Variants in CACNA2D4 observed in about 807,000 individuals in gnomAD.
The protein encoded by CACNA2D4 is calcium voltage-gated channel auxiliary subunit alpha2delta 4, also known as voltage-dependent calcium channel subunit alpha-2/delta-4.
Under a neutral mutation model 163.8 loss-of-function variants are expected in CACNA2D4, and 157 were observed. The ratio of observed to expected loss-of-function variants is 0.96; its 90% CI spans 0.84 to 1.09. The LOEUF (loss-of-function observed/expected upper bound fraction) is 1.09, where lower values mean the gene tolerates loss of function less well. CACNA2D4 is among the 50% of genes least tolerant of loss of function. The pLI, the probability that CACNA2D4 is intolerant of heterozygous loss-of-function variation, is 0.00. For synonymous variants in CACNA2D4, 598 were observed against 586.9 expected (o/e 1.02, Z -0.27); for missense variants, 1,410 against 1,479.9 (o/e 0.95, Z 0.78).
At chr12:1,892,891 G>A (rs1399972618) in intron 6 of CACNA2D4, among the ~76,000 whole-genome samples, 1 of 152,146 alleles carries the variant, frequency 6.6e-6, no homozygotes, top group Non-Finnish European at 1.5e-5. Context: ...AGAAAAATGA[G>A]ATGAAGGAGG....
At chr12:1,859,176 C>T (rs116256926) in intron 19 of CACNA2D4, among the ~76,000 whole-genome samples, 4,849 of 152,118 alleles carry the variant, frequency 0.032, 246 homozygotes, top group African/African-American at 0.11. Context: ...CAGCGAGACC[C>T]CAGCTCTAAA....
chr12:1,886,159 T>G, intron 8 of CACNA2D4, 64 bp downstream of exon 8: 4 of 1,589,550 alleles, frequency 2.5e-6, no homozygotes, highest in Non-Finnish European at 3.5e-6. Context: ...GTGGGTCACC[T>G]TGGTACCTGT....
Position 1,878,261 on chromosome 12 carries a change from T to G in CACNA2D4, c.1719+54A>C. ...TGTTGTTTTAATCGTTTTTGTGAAT[T>G]ACCCCCAAATCCCATACAGTAAGGA... On this transcript the variant is annotated intron_variant, in intron 16 of 37. Coordinates refer to ENST00000382722, the MANE Select transcript of CACNA2D4 (RefSeq NM_172364.5). The surrounding 1 kb of genome is among the most constrained non-coding windows in gnomAD (Gnocchi z 4.6). 1 of 1,562,384 alleles carries G rather than the reference T, an allele frequency of 6.4e-7. No homozygotes were observed. The highest frequency in any genetic ancestry group is 8.7e-7 in the Non-Finnish European group (1 of 1,151,104).
Position 1,811,721 on chromosome 12 carries a change from C to G in CACNA2D4, c.2554G>C (p.Ala852Pro), listed in dbSNP as rs961730912. 1.3e-6 allele frequency: 2 copies of G among 1,558,538 alleles called. No individual in the cohort carries two copies. The highest frequency in any genetic ancestry group is 2.7e-5 in the African/African-American group (2 of 73,286). The change falls in exon 27 of 38, where the codon GCG becomes CCG. Residue 852 changes from alanine to proline, a missense_variant and splice_region_variant. Ala to Pro is a conservative substitution (Grantham distance 27). Coordinates refer to ENST00000382722, the MANE Select transcript of CACNA2D4 (RefSeq NM_172364.5). The stretch of plus-strand genomic sequence containing the variant: ...AATTCCAGCTTCATTTGGACGCCCG[C>G]GGCTACAGGGCAGAAAGAGAGAGGG... ...VDKRTAIAAA[A>P]GVQMKLEFLQ...
In CACNA2D4 at chr12:1,900,329, C is replaced by G. The variant is rs77353179; in HGVS notation, c.781+7111G>C. Among the ~76,000 whole-genome samples the G allele has an allele frequency of 3.1e-3, 472 of 152,236 alleles. 9 individuals carry two copies. Among genetic ancestry groups the G allele is most frequent in the East Asian group, 0.016 (84 of 5,166 alleles). On this transcript the variant is annotated intron_variant, in intron 6 of 37. Coordinates refer to ENST00000382722, the MANE Select transcript of CACNA2D4 (RefSeq NM_172364.5). Reference sequence around the variant, plus strand: ...AAAAAATTTTTGGTGGAGATGAGGTCTCACTATGTTACCCAGGCTGGTCTT... The same window carrying G: ...AAAAAATTTTTGGTGGAGATGAGGTGTCACTATGTTACCCAGGCTGGTCTT...
At position 1,918,317 on chromosome 12, in the gene CACNA2D4, G is replaced by C. The variant is rs1867045543; in HGVS notation, c.157C>G (p.Leu53Val). 6.2e-7 allele frequency: 1 copy of C among 1,609,994 alleles called. No individual in the cohort carries two copies. Residue 53 changes from leucine (L) to valine (V), a missense_variant, in exon 1 of 38, where the codon CTC becomes GTC. Physicochemically the swap from Leu to Val is conservative, Grantham distance 32. Transcript: ENST00000382722. ...AWAFVQKTSA[L>V]LWLLLLGTSL... Reference sequence around the variant, plus strand: ...GTGCCTAGAAGCAGCAGCCACAGGAGGGCCGAGGTCTTCTGCACAAAGGCC... The same window carrying C: ...GTGCCTAGAAGCAGCAGCCACAGGACGGCCGAGGTCTTCTGCACAAAGGCC...
intron 37 of CACNA2D4, among the ~76,000 whole-genome samples, chr12:1,794,141 A>G (rs776672771): frequency 2.0e-5 from 3 of 152,154 alleles, no homozygotes; most frequent in Admixed American, 2.0e-4. Context: ...CACTATGACT[A>G]TTATCCACGT....
At chr12:1,830,310 C>G (rs953367672) in intron 26 of CACNA2D4, among the ~76,000 whole-genome samples, 16 of 152,248 alleles carry the variant, frequency 1.1e-4, no homozygotes, top group Non-Finnish European at 1.6e-4. Flanking sequence ...CTGGCGTCAT[C>G]ATGGGTGTGG....
At chr12:1,805,245 C>G (rs1863494876) in intron 29 of CACNA2D4, among the ~76,000 whole-genome samples, 1 of 152,152 alleles carries the variant, frequency 6.6e-6, no homozygotes, top group African/African-American at 2.4e-5. Context: ...GAGCACCACC[C>G]AGAAGCCTGC....
Position 1,869,364 on chromosome 12 carries a change from G to A in CACNA2D4, c.1878+5240C>T, listed in dbSNP as rs575762607. Among the ~76,000 whole-genome samples, 5 of 152,318 alleles carry A rather than the reference G, an allele frequency of 3.3e-5. No individual in the cohort carries two copies. Among genetic ancestry groups the A allele is most frequent in the South Asian group, 4.1e-4 (2 of 4,826 alleles). ...CCGTCGTGCTTTCTAGGCATGGGCC[G>A]AAGCCAGATTCAAAGCCACCCGCTG... On this transcript the variant is annotated intron_variant, in intron 18 of 37. Coordinates refer to ENST00000382722, the MANE Select transcript of CACNA2D4 (RefSeq NM_172364.5). The surrounding 1 kb of genome is among the most constrained non-coding windows in gnomAD (Gnocchi z 4.7).
rs559030232 is a variant in CACNA2D4 at position 1,794,586 on chromosome 12, T to C, written c.3309+713A>G. Among the ~76,000 whole-genome samples the C allele has an allele frequency of 4.6e-5, 7 of 152,138 alleles. No individual in the cohort carries two copies. In the South Asian group the frequency reaches 1.5e-3, roughly 32 times the overall value. Reference sequence around the variant, plus strand: ...ATGAGCCTGTCTCAGGCTCCGTGAGTTGTTAGCGTGGCTCACTCAACTCAG... The same window carrying C: ...ATGAGCCTGTCTCAGGCTCCGTGAGCTGTTAGCGTGGCTCACTCAACTCAG... On this transcript the variant is annotated intron_variant, in intron 37 of 37. Coordinates refer to ENST00000382722, the MANE Select transcript of CACNA2D4 (RefSeq NM_172364.5).
intron 35 of CACNA2D4, chr12:1,796,011 CAGTG>C (rs1446146095): frequency 1.8e-6 from 1 of 567,434 alleles, no homozygotes; most frequent in Non-Finnish European, 3.2e-6. Flanking sequence ...AGACTGGAGA[CAGTG>C]AGGAAGTCCA....
Position 1,860,168 on chromosome 12 carries a change from C to G in CACNA2D4, c.1917G>C (p.Thr639=). 1 of 1,613,728 alleles carries G rather than the reference C, an allele frequency of 6.2e-7. No individual in the cohort carries two copies. The highest frequency in any genetic ancestry group is 8.5e-7 in the Non-Finnish European group (1 of 1,179,716). ...VLFLTNDYFF[T]DISDTPFSLG... ...ACCTGAAAGGGGTGTCGCTGATGTCCGTGAAGAAGTAGTCATTGGTCAGGA... is the reference window on the plus strand; with the variant it reads ...ACCTGAAAGGGGTGTCGCTGATGTCGGTGAAGAAGTAGTCATTGGTCAGGA... The change falls in exon 19 of 38, where the codon ACG becomes ACC. Residue 639 remains threonine, a synonymous_variant. Coordinates refer to ENST00000382722, the MANE Select transcript of CACNA2D4 (RefSeq NM_172364.5).
chr12:1,860,110 C>T lies in CACNA2D4; in HGVS notation c.1940+35G>A, dbSNP rs1393910379. 5.7e-6 allele frequency: 9 copies of T among 1,569,204 alleles called. No individual in the cohort carries two copies. In the African/African-American group the frequency reaches 8.1e-5, roughly 14 times the overall value. On this transcript the variant is annotated intron_variant, in intron 19 of 37. Coordinates refer to ENST00000382722, the MANE Select transcript of CACNA2D4 (RefSeq NM_172364.5). ...TGAGTTGCTGGTATTCATGTTCAAC[C>T]CTCACCCCGTGCAAATAAAGCCTGT...
At chr12:1,805,028 A>G (rs910326234) in intron 29 of CACNA2D4, among the ~76,000 whole-genome samples, 3 of 152,248 alleles carry the variant, frequency 2.0e-5, no homozygotes, top group Non-Finnish European at 4.4e-5. Context: ...TTGTCGATTT[A>G]GGAGCCCCAG....
chr12:1,797,688 G>T (rs780944312), intron 34 of CACNA2D4, 153 bp from the exon 35 acceptor site: 1 of 680,350 alleles, frequency 1.5e-6, no homozygotes, highest in Non-Finnish European at 2.6e-6. Flanking sequence ...GGAGCCGGGC[G>T]GGGGGTGAGG....
intron 4 of CACNA2D4, among the ~76,000 whole-genome samples, chr12:1,909,080 C>T (rs868332243): frequency 1.3e-5 from 2 of 152,224 alleles, no homozygotes; most frequent in African/African-American, 4.8e-5. Flanking sequence ...AGGCTCCCCC[C>T]ACCTCCTCAC....
Position 1,798,233 on chromosome 12 carries a change from G to A in CACNA2D4, c.2996-698C>T, listed in dbSNP as rs551951150. Among the ~76,000 whole-genome samples the A allele has an allele frequency of 8.7e-4, 133 of 152,268 alleles. No homozygotes were observed. Among genetic ancestry groups the A allele is most frequent in the African/African-American group, 3.1e-3 (127 of 41,564 alleles). ...GCAGGACCCGAGTCCGTTCCCTCCC[G>A]GAGCCTCCTGAGGTGGGCACATGGC... On this transcript the variant is annotated intron_variant, in intron 34 of 37. Coordinates refer to ENST00000382722, the MANE Select transcript of CACNA2D4 (RefSeq NM_172364.5). This position sits in a 1 kb window ranked among gnomAD's most constrained non-coding sequence, Gnocchi z 4.3.
chr12:1,813,619 A>G (rs550720313), intron 26 of CACNA2D4, among the ~76,000 whole-genome samples: 1 of 152,334 alleles, frequency 6.6e-6, no homozygotes, highest in East Asian at 1.9e-4. Context: ...TTGCAGATGA[A>G]GAAACCGAGG....
Sources: gnomAD v4.1 joint callset for allele counts (sites outside exome capture counted in the v4.1 genomes callset) on GRCh38, gnomAD v4.1.1 for gene constraint, Gnocchi (gnomAD v3.1) non-coding constraint, MANE v1.5 for transcripts, NCBI Gene and HGNC (gene_info 2026-07-23, HGNC 2026-07-21) for gene names.